The following PRKAR2A variants were observed in gnomAD, a reference collection of about 807,000 sequenced individuals.
The protein encoded by PRKAR2A is protein kinase cAMP-dependent type II regulatory subunit alpha, also known as cAMP-dependent protein kinase type II-alpha regulatory subunit.
In PRKAR2A, 29 loss-of-function variants were observed where a neutral mutation model predicts 51.9. That is an observed-to-expected ratio of 0.56 (90% CI 0.42 to 0.76). The LOEUF (loss-of-function observed/expected upper bound fraction) is 0.76, where lower values mean the gene tolerates loss of function less well. Ranked by LOEUF, PRKAR2A falls within the 30% of genes least tolerant of loss-of-function variation. PRKAR2A has a pLI of 0.00. For missense variants in PRKAR2A, 445 were observed against 512.1 expected (o/e 0.87, Z 1.26); for synonymous variants, 178 against 186.2 (o/e 0.96, Z 0.36).
At chr3:48,780,180 A>T (rs2082171642) in intron 5 of PRKAR2A, among the ~76,000 whole-genome samples, 1 of 151,852 alleles carries the variant, frequency 6.6e-6, no homozygotes, top group Admixed American at 6.6e-5. Context: ...AAACAAAAAA[A>T]CCTATTCTGT....
intron 5 of PRKAR2A, among the ~76,000 whole-genome samples, chr3:48,780,655 G>A (rs1255322639): frequency 6.6e-6 from 1 of 151,312 alleles, no homozygotes; most frequent in Non-Finnish European, 1.5e-5. Context: ...TTTGTCACAG[G>A]TAGCAAGAAC....
At position 48,751,548 on chromosome 3, in the gene PRKAR2A, T is replaced by C. The variant is rs1295041921; in HGVS notation, c.*37A>G. On this transcript the variant is annotated 3_prime_UTR_variant, in exon 11 of 11. Coordinates refer to ENST00000265563, the MANE Select transcript of PRKAR2A (RefSeq NM_004157.4). ...TGTTCTGTGGCTGACCAGAAGGTTT[T>C]GGTGTCACACTAAGAAGGCTCTGGG... 6.2e-7 allele frequency: 1 copy of C among 1,603,650 alleles called. No homozygotes were observed. Among genetic ancestry groups the C allele is most frequent in the Non-Finnish European group, 8.5e-7 (1 of 1,172,806 alleles).
In PRKAR2A at chr3:48,786,593, C is replaced by T. The variant is rs569403364; in HGVS notation, c.436-3501G>A. Among the ~76,000 whole-genome samples, 665 of 148,728 alleles carry T rather than the reference C, an allele frequency of 4.5e-3. 8 individuals carry two copies. The highest frequency in any genetic ancestry group is 0.012 in the African/African-American group (504 of 40,798). ...CGGGCGAATCACGAGGTCAGGAGAT[C>T]GAGACCATCCTGGCGAACATGGTGA... On this transcript the variant is annotated intron_variant, in intron 4 of 10. Transcript: ENST00000265563.
intron 1 of PRKAR2A, among the ~76,000 whole-genome samples, chr3:48,837,184 T>C (rs1347765284): frequency 1.3e-5 from 2 of 152,014 alleles, no homozygotes; most frequent in African/African-American, 2.4e-5. Context: ...TAGCCACTTA[T>C]GGTGGCGCAT....
Position 48,751,682 on chromosome 3 carries a change from G to T in PRKAR2A, c.1118C>A (p.Pro373His), listed in dbSNP as rs375432861. Reference sequence around the variant, plus strand: ...GTTCCTCTTCATGATGTCCATGCAGGGCCCCAGAAGCCTCTCGAATGCTTG... The same window carrying T: ...GTTCCTCTTCATGATGTCCATGCAGTGCCCCAGAAGCCTCTCGAATGCTTG... ...DVQAFERLLG[P>H]CMDIMKRNIS... The change falls in exon 11 of 11, where the codon CCC (proline) becomes CAC (histidine). Residue 373 changes from proline to histidine, a missense_variant. By Grantham distance (77) the Pro-to-His change is moderately conservative. Coordinates refer to ENST00000265563, the MANE Select transcript of PRKAR2A (RefSeq NM_004157.4). The T allele has an allele frequency of 1.3e-5, 21 of 1,613,550 alleles. No homozygotes were observed. Among genetic ancestry groups the T allele is most frequent in the Non-Finnish European group, 1.8e-5 (21 of 1,179,648 alleles).
intron 1 of PRKAR2A, among the ~76,000 whole-genome samples, chr3:48,827,928 G>A (rs1046145708): frequency 7.3e-5 from 11 of 151,366 alleles, no homozygotes; most frequent in African/African-American, 2.2e-4. Flanking sequence ...ATCATGGTAC[G>A]ATCTCAGCTC....
At chr3:48,795,859 T>C (rs750434069) in intron 2 of PRKAR2A, among the ~76,000 whole-genome samples, 54 of 152,324 alleles carry the variant, frequency 3.5e-4, no homozygotes, top group Admixed American at 7.2e-4. Context: ...TCTATGTGTA[T>C]TACTGTAGGG....
intron 1 of PRKAR2A, among the ~76,000 whole-genome samples, chr3:48,837,938 G>A (rs1426904150): frequency 6.6e-6 from 1 of 152,184 alleles, no homozygotes; most frequent in Non-Finnish European, 1.5e-5. Flanking sequence ...CAGCACTTTG[G>A]GAGGCTGAGG....
At chr3:48,806,588 T>TA (rs1360217716) in intron 2 of PRKAR2A, among the ~76,000 whole-genome samples, 5 of 151,760 alleles carry the variant, frequency 3.3e-5, no homozygotes, top group Admixed American at 6.6e-5. Context: ...CTAACTCAAT[T>TA]AAAAAAATAG....
At chr3:48,791,997 T>C (rs1188135347) in intron 3 of PRKAR2A, among the ~76,000 whole-genome samples, 1 of 148,636 alleles carries the variant, frequency 6.7e-6, no homozygotes, top group South Asian at 2.1e-4. Flanking sequence ...CAGTCATCAA[T>C]AATTTTACAA....
chr3:48,745,969 A>ATTCTCTTTCC (rs561494435), downstream of PRKAR2A, among the ~76,000 whole-genome samples: 386 of 152,296 alleles, frequency 2.5e-3, 1 homozygote, highest in African/African-American at 8.4e-3. Context: ...GTAAGACAGA[A>ATTCTCTTTCC]TGCCCACCTT....
chr3:48,776,492 C>T (rs914528292), intron 5 of PRKAR2A, among the ~76,000 whole-genome samples: 25 of 152,022 alleles, frequency 1.6e-4, no homozygotes, highest in Non-Finnish European at 3.1e-4. Flanking sequence ...AATATAATGA[C>T]AGAGGCTAGG....
intron 1 of PRKAR2A, among the ~76,000 whole-genome samples, chr3:48,840,561 T>C (rs932795668): frequency 6.8e-6 from 1 of 147,384 alleles, no homozygotes; most frequent in Admixed American, 7.1e-5. Context: ...CCTGGTTTGT[T>C]TTCACCTTTT....
At position 48,811,418 on chromosome 3, in the gene PRKAR2A, T is replaced by C. The variant is rs578126036; in HGVS notation, c.263-3734A>G. Among the ~76,000 whole-genome samples the C allele has an allele frequency of 1.7e-4, 26 of 152,238 alleles. 1 individual carries two copies. In the South Asian group the frequency reaches 5.2e-3, roughly 30 times the overall value. On this transcript the variant is annotated intron_variant, in intron 1 of 10. Transcript: ENST00000265563. ...TGAGCCTGGGAGGTCAAGGTTGCAG[T>C]GAACTGCAATCATGGCACTGCACTC...
intron 8 of PRKAR2A, among the ~76,000 whole-genome samples, chr3:48,757,760 T>G (rs192501436): frequency 1.5e-4 from 22 of 151,700 alleles, no homozygotes; most frequent in Non-Finnish European, 3.1e-4. Context: ...TTGTCTCTAC[T>G]AAATACAAAA....
At chr3:48,773,330 TTTTC>T (rs1253550099) in intron 5 of PRKAR2A, among the ~76,000 whole-genome samples, 1 of 143,150 alleles carries the variant, frequency 7.0e-6, no homozygotes, top group African/African-American at 2.6e-5. Context: ...ATTCTTGGAA[TTTTC>T]TTTTCTTTTT....
intron 1 of PRKAR2A, among the ~76,000 whole-genome samples, chr3:48,811,403 A>G (rs1392688855): frequency 6.6e-6 from 1 of 152,178 alleles, no homozygotes; most frequent in African/African-American, 2.4e-5. Context: ...TGAGCCTGGG[A>G]GGTCAAGGTT....
intron 1 of PRKAR2A, among the ~76,000 whole-genome samples, chr3:48,808,006 G>A (rs1297257644): frequency 6.8e-6 from 1 of 147,922 alleles, no homozygotes; most frequent in Non-Finnish European, 1.5e-5. Flanking sequence ...TATTGATAAT[G>A]TTATGATATA....
chr3:48,818,576 C>T (rs1301790375), intron 1 of PRKAR2A, among the ~76,000 whole-genome samples: 1 of 151,994 alleles, frequency 6.6e-6, no homozygotes, highest in African/African-American at 2.4e-5. Context: ...AGAGTGAGAC[C>T]CTGTCTCTAC....
Sources: allele counts gnomAD v4.1 joint callset (sites outside exome capture counted in the v4.1 genomes callset), GRCh38; gene constraint gnomAD v4.1.1; transcripts MANE v1.5; gene names NCBI Gene and HGNC (gene_info 2026-07-23, HGNC 2026-07-21).